Variants in CALCR observed in about 807,000 individuals in gnomAD.
The protein encoded by CALCR is calcitonin receptor.
In CALCR, 47 loss-of-function variants were observed where a neutral mutation model predicts 59.5. The observed-to-expected ratio is 0.79, with a 90% CI of 0.63 to 1.01. The LOEUF (loss-of-function observed/expected upper bound fraction) is 1.01. Ranked by LOEUF, CALCR falls within the 50% of genes least tolerant of loss-of-function variation. The pLI, the probability that CALCR is intolerant of heterozygous loss-of-function variation, is 0.00. For missense variants in CALCR, 566 were observed against 597.1 expected (o/e 0.95, Z 0.54); for synonymous variants, 213 against 211.3 (o/e 1.01, Z -0.07).
chr7:93,520,957 T>C (rs1801751232), intron 2 of CALCR, among the ~76,000 whole-genome samples: 1 of 152,134 alleles, frequency 6.6e-6, no homozygotes, highest in Non-Finnish European at 1.5e-5. Flanking sequence ...CACCATGACT[T>C]CCTGCAAATT....
intron 2 of CALCR, among the ~76,000 whole-genome samples, chr7:93,493,287 T>C (rs919352097): frequency 1.3e-5 from 2 of 151,354 alleles, no homozygotes; most frequent in Admixed American, 1.3e-4. Flanking sequence ...ACCACCACAT[T>C]GGCAAATCTA....
At chr7:93,463,925 G>A (rs558065746) in intron 7 of CALCR, among the ~76,000 whole-genome samples, 3 of 152,060 alleles carry the variant, frequency 2.0e-5, no homozygotes, top group East Asian at 1.9e-4. Context: ...GAAACCATAA[G>A]TACCATAAAT....
intron 2 of CALCR, among the ~76,000 whole-genome samples, chr7:93,508,086 A>G (rs1290400606): frequency 6.6e-6 from 1 of 152,238 alleles, no homozygotes; most frequent in Non-Finnish European, 1.5e-5. Context: ...ATTTCATAAG[A>G]TATGCTCAGA....
At chr7:93,497,242 T>C (rs1335477269) in intron 2 of CALCR, among the ~76,000 whole-genome samples, 1 of 151,608 alleles carries the variant, frequency 6.6e-6, no homozygotes, top group African/African-American at 2.4e-5. Context: ...TTTACTCATG[T>C]CAATGACCTG....
Position 93,469,379 on chromosome 7 carries a change from T to C in CALCR, c.430-573A>G, listed in dbSNP as rs76258515. On this transcript the variant is annotated intron_variant, in intron 6 of 13. Transcript: ENST00000426151. ...TTTTATTTATTCTCCCATAATGTTA[T>C]GTTGACTCGGAAGAATGTCCTTCTC... Among the ~76,000 whole-genome samples, 822 of 151,798 alleles carry C rather than the reference T, an allele frequency of 5.4e-3. 13 individuals carry two copies. Among genetic ancestry groups the C allele is most frequent in the African/African-American group, 0.019 (781 of 41,458 alleles).
intron 2 of CALCR, among the ~76,000 whole-genome samples, chr7:93,492,867 C>T (rs939486400): frequency 5.3e-5 from 8 of 151,242 alleles, no homozygotes; most frequent in Non-Finnish European, 8.9e-5. Context: ...GCAAAGACCT[C>T]TTAGTCAGAG....
At chr7:93,479,099 C>T (rs1011204002) in intron 4 of CALCR, among the ~76,000 whole-genome samples, 3 of 151,818 alleles carry the variant, frequency 2.0e-5, no homozygotes, top group Non-Finnish European at 4.4e-5. Context: ...TGTTCCGGCT[C>T]ACCAGGTGTG....
At chr7:93,527,251 C>A (rs1788681039) in intron 2 of CALCR, among the ~76,000 whole-genome samples, 1 of 151,260 alleles carries the variant, frequency 6.6e-6, no homozygotes, top group East Asian at 1.9e-4. Flanking sequence ...GAAATATGTA[C>A]ATATCATTAT....
chr7:93,426,086 A>G lies in CALCR; in HGVS notation c.*270T>C, dbSNP rs1425803280. The G allele has an allele frequency of 5.8e-6, 2 of 345,800 alleles. No individual in the cohort carries two copies. Among genetic ancestry groups the G allele is most frequent in the Non-Finnish European group, 1.0e-5 (2 of 193,172 alleles). The allele number at this position is 345,800 out of a possible 1,614,324, so 21.4% of individuals were successfully genotyped here. ...GTCAATTTCATTGTTTTTCTTTGATACTTTGCTTGCATTACTGTGACATTT... is the reference window on the plus strand; with the variant it reads ...GTCAATTTCATTGTTTTTCTTTGATGCTTTGCTTGCATTACTGTGACATTT... On this transcript the variant is annotated 3_prime_UTR_variant, in exon 14 of 14. Transcript: ENST00000426151.
At chr7:93,429,126 A>G (rs1799595508) in intron 13 of CALCR, among the ~76,000 whole-genome samples, 1 of 152,216 alleles carries the variant, frequency 6.6e-6, no homozygotes, top group Non-Finnish European at 1.5e-5. Context: ...ATTACAACCC[A>G]TCCTTTTGTG....
chr7:93,496,056 T>G (rs1371705545), intron 2 of CALCR: 3 of 704,714 alleles, frequency 4.3e-6, no homozygotes, highest in Admixed American at 3.5e-5. Context: ...ACAAATTTAC[T>G]TGAAAAGCAA....
At chr7:93,558,398 T>G (rs898946682) in intron 2 of CALCR, among the ~76,000 whole-genome samples, 3 of 152,060 alleles carry the variant, frequency 2.0e-5, no homozygotes, top group African/African-American at 4.8e-5. Context: ...ATGACATTAT[T>G]TACTCTGCTA....
At chr7:93,505,376 G>A (rs956753420) in intron 2 of CALCR, among the ~76,000 whole-genome samples, 4 of 152,126 alleles carry the variant, frequency 2.6e-5, no homozygotes, top group Non-Finnish European at 4.4e-5. Flanking sequence ...GATAGATTCG[G>A]GAAAGTTTAG....
chr7:93,534,293 G>T (rs1226202045), intron 2 of CALCR, among the ~76,000 whole-genome samples: 4 of 151,758 alleles, frequency 2.6e-5, no homozygotes, highest in African/African-American at 4.8e-5. Context: ...AGAAAGTAAA[G>T]CTGAGTATGA....
chr7:93,531,166 A>C (rs1788823468), intron 2 of CALCR, among the ~76,000 whole-genome samples: 1 of 152,100 alleles, frequency 6.6e-6, no homozygotes, highest in African/African-American at 2.4e-5. Flanking sequence ...CAGGACGTTA[A>C]ATTCTTTTTG....
At chr7:93,520,392 C>G (rs1801737070) in intron 2 of CALCR, among the ~76,000 whole-genome samples, 3 of 151,992 alleles carry the variant, frequency 2.0e-5, no homozygotes, top group Admixed American at 6.6e-5. Flanking sequence ...CAGCTGTTTT[C>G]CCTACATTTC....
At chr7:93,555,193 G>A (rs28591087) in intron 2 of CALCR, among the ~76,000 whole-genome samples, 27,828 of 151,938 alleles carry the variant, frequency 0.18, 3,259 homozygotes, top group East Asian at 0.36. Flanking sequence ...TCATGTGTCA[G>A]TACTCTGCAG....
chr7:93,564,871 G>A (rs1025532468), intron 2 of CALCR, among the ~76,000 whole-genome samples: 3 of 152,146 alleles, frequency 2.0e-5, no homozygotes, highest in Non-Finnish European at 4.4e-5. Flanking sequence ...TAGGGACAAA[G>A]GGAGTTTAGA....
intron 2 of CALCR, among the ~76,000 whole-genome samples, chr7:93,500,840 A>G (rs1261190053): frequency 6.6e-6 from 1 of 152,000 alleles, no homozygotes; most frequent in Non-Finnish European, 1.5e-5. Context: ...TATAAAAGAC[A>G]AGCTTGCTCC....
Sources: gnomAD v4.1 joint callset for allele counts (sites outside exome capture counted in the v4.1 genomes callset) on GRCh38, gnomAD v4.1.1 for gene constraint, MANE v1.5 for transcripts, NCBI Gene and HGNC (gene_info 2026-07-23, HGNC 2026-07-21) for gene names.